The following RAD51B variants were observed in gnomAD, a reference collection of about 807,000 sequenced individuals.
RAD51B encodes RAD51 paralog B.
A neutral mutation model predicts 42.2 loss-of-function variants in RAD51B; 38 were observed. That is an observed-to-expected ratio of 0.90 (90% confidence interval 0.70 to 1.18). The LOEUF (loss-of-function observed/expected upper bound fraction) is 1.18, where lower values mean the gene tolerates loss of function less well. Ranked by LOEUF, RAD51B falls within the 50% of genes most tolerant of loss-of-function variation. RAD51B has a pLI of 0.00. For missense variants in RAD51B, 373 were observed against 400.7 expected, an observed-to-expected ratio of 0.93 and a Z score of 0.59; for synonymous variants, 154 against 145.2, an observed-to-expected ratio of 1.06 and a Z score of -0.43.
intron 10 of RAD51B, among the ~76,000 whole-genome samples, chr14:68,498,395 T>C (rs908745021): frequency 5.9e-5 from 9 of 152,274 alleles, no homozygotes; most frequent in Non-Finnish European, 8.8e-5. Context: ...TTCCACTGGC[T>C]ACTTTGTCTT....
At chr14:68,339,435 A>G (rs2082527781) in intron 8 of RAD51B, 1 of 634,130 alleles carries the variant, frequency 1.6e-6, no homozygotes, top group Non-Finnish European at 2.8e-6. Context: ...CCTTTTCTCA[A>G]ACAGGGGATT....
chr14:68,159,497 G>C (rs1166444706), intron 7 of RAD51B, among the ~76,000 whole-genome samples: 1 of 151,844 alleles, frequency 6.6e-6, no homozygotes, highest in African/African-American at 2.4e-5. Context: ...GCGTGTGCCT[G>C]TAATCCCAGC....
chr14:67,906,067 T>G (rs2043772945), intron 7 of RAD51B, among the ~76,000 whole-genome samples: 1 of 152,128 alleles, frequency 6.6e-6, no homozygotes, highest in African/African-American at 2.4e-5. Context: ...TGCGGTATGT[T>G]TCTTCAGTAC....
At chr14:68,013,437 AAG>A (rs1467425185) in intron 7 of RAD51B, among the ~76,000 whole-genome samples, 1 of 152,150 alleles carries the variant, frequency 6.6e-6, no homozygotes, top group East Asian at 1.9e-4. Context: ...AAGATTCTGG[AAG>A]AGCATGCTGG....
chr14:68,626,037 C>T (rs1333660410), intron 10 of RAD51B, among the ~76,000 whole-genome samples: 1 of 152,252 alleles, frequency 6.6e-6, no homozygotes, highest in Non-Finnish European at 1.5e-5. Flanking sequence ...ATAAACACCT[C>T]AAGATGCTGT....
chr14:68,462,107 AAAAT>A (rs1277184204), intron 9 of RAD51B, among the ~76,000 whole-genome samples: 1 of 152,246 alleles, frequency 6.6e-6, no homozygotes, highest in Non-Finnish European at 1.5e-5. Flanking sequence ...TTGCCTCTAA[AAAAT>A]AAACTGAGGT....
chr14:68,499,774 C>T (rs972036475), intron 10 of RAD51B, among the ~76,000 whole-genome samples: 6 of 152,114 alleles, frequency 3.9e-5, no homozygotes, highest in Non-Finnish European at 8.8e-5. Context: ...CCTGGAGCCA[C>T]CGGAATCTGG....
intron 8 of RAD51B, among the ~76,000 whole-genome samples, chr14:68,338,388 G>A (rs185280318): frequency 3.3e-4 from 50 of 152,196 alleles, no homozygotes; most frequent in Admixed American, 2.5e-3. Context: ...AGCCACTTTC[G>A]CTGCTGCTGA....
At chr14:68,646,201 C>T (rs539672649) in intron 10 of RAD51B, among the ~76,000 whole-genome samples, 1 of 152,218 alleles carries the variant, frequency 6.6e-6, no homozygotes, top group East Asian at 1.9e-4. Flanking sequence ...TAAACTAGTG[C>T]CAGGTTCCTC....
At chr14:68,468,883 C>T (rs2086051655) in intron 10 of RAD51B, among the ~76,000 whole-genome samples, 1 of 152,224 alleles carries the variant, frequency 6.6e-6, no homozygotes, top group Non-Finnish European at 1.5e-5. Flanking sequence ...CACTGATCTA[C>T]AATGGTGATT....
In RAD51B at chr14:67,916,844, A is replaced by G. The variant is rs115950392; in HGVS notation, c.756+29640A>G. ...GGGTATTCCAGTGAATAAAATAATG[A>G]CAGTCTTTCCCTTAGTGCAGTTTCC... On this transcript the variant is annotated intron_variant, in intron 7 of 10. Coordinates refer to ENST00000471583, the MANE Select transcript of RAD51B (RefSeq NM_133510.4). Among the ~76,000 whole-genome samples, 1,350 of 152,364 alleles carry G rather than the reference A, an allele frequency of 8.9e-3. 21 individuals are homozygous for G. Among genetic ancestry groups the G allele is most frequent in the African/African-American group, 0.031 (1,271 of 41,584 alleles).
chr14:68,454,945 G>A (rs2085648405), intron 9 of RAD51B, among the ~76,000 whole-genome samples: 2 of 152,202 alleles, frequency 1.3e-5, no homozygotes, highest in Admixed American at 1.3e-4. Flanking sequence ...TGTAAGAGCT[G>A]AGAAAACCTG....
rs28908468 is a variant in RAD51B, at chr14:68,594,542, C to G, written c.1094C>G (p.Pro365Arg). 45,602 of 1,344,824 alleles carry G rather than the reference C, an allele frequency of 0.034. 895 individuals are homozygous for G. The highest frequency in any genetic ancestry group is 0.037 in the Non-Finnish European group (37,678 of 1,018,408). The allele number at this position is 1,344,824 out of a possible 1,614,324, so 83.3% of individuals were successfully genotyped here. A position where few individuals can be genotyped will look rare whatever the true frequency, so the allele number is the denominator to read the frequency against. ...CTGAACTGGGCTCCAGAAATCCTCC[C>G]ACCTCAGCCTCCTGAGCAGCTAGGA... Residue 365 changes from proline to arginine, a missense_variant, in exon 11 of 11, where the codon CCA (proline) becomes CGA (arginine). Physicochemically the swap from Pro to Arg is moderately radical, Grantham distance 103. Coordinates refer to the RAD51B transcript ENST00000487270.
intron 5 of RAD51B, among the ~76,000 whole-genome samples, chr14:67,866,586 T>C (rs2042342268): frequency 1.3e-5 from 2 of 152,206 alleles, no homozygotes; most frequent in Admixed American, 6.5e-5. Flanking sequence ...AAACAGAGTT[T>C]AGGATGTCTT....
intron 7 of RAD51B, among the ~76,000 whole-genome samples, chr14:68,013,504 A>T (rs777794078): frequency 4.6e-5 from 7 of 152,210 alleles, no homozygotes; most frequent in African/African-American, 7.2e-5. Context: ...CAATGATATT[A>T]CTTTATTTAA....
intron 10 of RAD51B, among the ~76,000 whole-genome samples, chr14:68,477,244 G>A (rs1882709949): frequency 6.6e-6 from 1 of 152,174 alleles, no homozygotes; most frequent in African/African-American, 2.4e-5. Flanking sequence ...TAAGGACTGT[G>A]GTGTGCTAGA....
At chr14:68,193,538 G>A (rs1034204162) in intron 7 of RAD51B, among the ~76,000 whole-genome samples, 4 of 152,068 alleles carry the variant, frequency 2.6e-5, no homozygotes, top group African/African-American at 9.7e-5. Flanking sequence ...TGCTACAGAG[G>A]GCTAAAGGGA....
intron 10 of RAD51B, among the ~76,000 whole-genome samples, chr14:68,607,764 G>T (rs561193056): frequency 1.3e-5 from 2 of 152,166 alleles, no homozygotes; most frequent in South Asian, 2.1e-4. Context: ...CCGGGGAGGC[G>T]CACTCTAAGG....
At chr14:67,927,923 A>G (rs1159590923) in intron 7 of RAD51B, among the ~76,000 whole-genome samples, 1 of 151,574 alleles carries the variant, frequency 6.6e-6, no homozygotes, top group African/African-American at 2.4e-5. Flanking sequence ...TTTGTTGAAG[A>G]CTTTTCCATT....
Sources: gnomAD v4.1 joint callset for allele counts (sites outside exome capture counted in the v4.1 genomes callset) on GRCh38, gnomAD v4.1.1 for gene constraint, MANE v1.5 for transcripts, NCBI Gene and HGNC (gene_info 2026-07-23, HGNC 2026-07-21) for gene names.